The following ASPH variants were observed in gnomAD, a reference collection of about 807,000 sequenced individuals.
ASPH encodes the protein aspartate beta-hydroxylase.
Under a neutral mutation model 118.4 loss-of-function variants are expected in ASPH, and 100 were observed. That is an observed-to-expected ratio of 0.84 (90% confidence interval 0.72 to 1.00). ASPH has a LOEUF of 1.00. Among genes scored for constraint, ASPH ranks in the 50% least tolerant of loss-of-function variants. ASPH has a pLI of 0.00. For missense variants in ASPH, 920 were observed against 919.5 expected (o/e 1.00, Z -0.01); for synonymous variants, 315 against 325.6 (o/e 0.97, Z 0.35).
At chr8:61,589,578 C>T (rs879904205) in intron 14 of ASPH, among the ~76,000 whole-genome samples, 2 of 152,142 alleles carry the variant, frequency 1.3e-5, no homozygotes, top group Admixed American at 1.3e-4. Flanking sequence ...TCCAGACTGC[C>T]CTCTTCCTTA....
At chr8:61,679,647 T>C (rs1589109125) in intron 3 of ASPH, among the ~76,000 whole-genome samples, 1 of 152,048 alleles carries the variant, frequency 6.6e-6, no homozygotes, top group East Asian at 1.9e-4. Flanking sequence ...CACATTTTAT[T>C]TTATCTTTAA....
chr8:61,612,210 C>T (rs966988706), intron 14 of ASPH, among the ~76,000 whole-genome samples: 1 of 151,924 alleles, frequency 6.6e-6, no homozygotes, highest in South Asian at 2.1e-4. Context: ...AAAAAAGAAG[C>T]AGTTCGAGAT....
chr8:61,679,413 G>C (rs1179583760), intron 3 of ASPH, among the ~76,000 whole-genome samples: 2 of 151,968 alleles, frequency 1.3e-5, no homozygotes, highest in African/African-American at 4.8e-5. Flanking sequence ...AAACTTAAAG[G>C]GGATGACCTT....
intron 24 of ASPH, among the ~76,000 whole-genome samples, chr8:61,509,339 G>A (rs1807906097): frequency 6.6e-6 from 1 of 152,166 alleles, no homozygotes; most frequent in African/African-American, 2.4e-5. Context: ...CATTTCTATG[G>A]TTATTTCTTG....
At chr8:61,669,615 T>C (rs1421454155) in intron 3 of ASPH, among the ~76,000 whole-genome samples, 1 of 152,190 alleles carries the variant, frequency 6.6e-6, no homozygotes, top group African/African-American at 2.4e-5. Context: ...ATATCAAAAC[T>C]ATTCTCATAA....
At chr8:61,619,629 C>G (rs1173848395) in intron 13 of ASPH, among the ~76,000 whole-genome samples, 1 of 152,142 alleles carries the variant, frequency 6.6e-6, no homozygotes, top group Non-Finnish European at 1.5e-5. Flanking sequence ...ATAGAATTAC[C>G]TAGGACAGTG....
chr8:61,555,992 C>T lies in ASPH; in HGVS notation c.1468G>A (p.Ala490Thr). Residue 490 changes from alanine (A) to threonine (T), a missense_variant, in exon 19 of 25, where the codon GCT becomes ACT. By Grantham distance (58) the Ala-to-Thr change is moderately conservative (BLOSUM62 0). Coordinates refer to ENST00000379454, the MANE Select transcript of ASPH (RefSeq NM_004318.4). ...AGGATGAAGCCATAATGGACTTTAG[C>T]AAAGCCATCATTAGGTGTCACACTC... ...VLSVTPNDGF[A>T]KVHYGFILKA... The T allele has an allele frequency of 6.2e-7, 1 of 1,613,972 alleles. No individual in the cohort carries two copies. The highest frequency in any genetic ancestry group is 8.5e-7 in the Non-Finnish European group (1 of 1,179,946).
chr8:61,681,003 C>T lies in ASPH; in HGVS notation c.287G>A (p.Gly96Glu). The T allele has an allele frequency of 6.2e-7, 1 of 1,605,712 alleles. No individual in the cohort carries two copies. The highest frequency in any genetic ancestry group is 8.5e-7 in the Non-Finnish European group (1 of 1,175,524). ...KLGIYDADGDGDFDVDDAKVL... is the reference protein window; with the variant it reads ...KLGIYDADGDEDFDVDDAKVL... The stretch of plus-strand genomic sequence containing the variant: ...TTTGGCATCATCCACATCAAAATCT[C>T]CATCACCATCAGCATCATAGATTCC... Residue 96 changes from glycine (G) to glutamate (E), a missense_variant, in exon 3 of 25, where the codon GGA (glycine) becomes GAA (glutamate). Transcript: ENST00000379454.
At chr8:61,546,296 T>A (rs1279929663) in intron 21 of ASPH, among the ~76,000 whole-genome samples, 2 of 152,246 alleles carry the variant, frequency 1.3e-5, no homozygotes. Context: ...TTTCTTGTTG[T>A]TTAAGCCAGG....
chr8:61,562,017 A>T (rs922389046), intron 18 of ASPH, among the ~76,000 whole-genome samples: 8 of 152,178 alleles, frequency 5.3e-5, no homozygotes, highest in Non-Finnish European at 1.0e-4. Context: ...CCAGCTTGAA[A>T]ACCATTGATC....
At chr8:61,590,905 G>A (rs529544493) in intron 14 of ASPH, among the ~76,000 whole-genome samples, 1 of 151,986 alleles carries the variant, frequency 6.6e-6, no homozygotes, top group Admixed American at 6.5e-5. Flanking sequence ...CAAGTTTAAG[G>A]CATCTTTAGG....
Position 61,662,394 on chromosome 8 carries a change from A to G in ASPH, c.323-8734T>C, listed in dbSNP as rs116132435. Among the ~76,000 whole-genome samples the G allele has an allele frequency of 9.0e-3, 1,367 of 152,286 alleles. 18 individuals are homozygous for G. The highest frequency in any genetic ancestry group is 0.029 in the African/African-American group (1,225 of 41,578). The stretch of plus-strand genomic sequence containing the variant: ...TCCCGAAAACAGCTTCTGACTCCCA[A>G]CTACCTAGTATTGTGAATTTTTTGT... On this transcript the variant is annotated intron_variant, in intron 3 of 24. Transcript: ENST00000379454.
At chr8:61,671,284 G>A (rs1476454329) in intron 3 of ASPH, among the ~76,000 whole-genome samples, 4 of 152,094 alleles carry the variant, frequency 2.6e-5, no homozygotes, top group African/African-American at 7.2e-5. Context: ...AATGCCACAA[G>A]CATGCACTAC....
At chr8:61,623,341 T>C (rs1009306840) in intron 13 of ASPH, among the ~76,000 whole-genome samples, 25 of 152,248 alleles carry the variant, frequency 1.6e-4, no homozygotes, top group African/African-American at 6.0e-4. Context: ...TTGCCATTTT[T>C]ATGTCTTCTT....
At chr8:61,681,678 TACTTA>T (rs558717755) in intron 2 of ASPH, among the ~76,000 whole-genome samples, 239 of 151,984 alleles carry the variant, frequency 1.6e-3, no homozygotes, top group African/African-American at 5.5e-3. Flanking sequence ...ATGATTATTC[TACTTA>T]ACTTAATCAG....
At chr8:61,609,772 G>T (rs565788984) in intron 14 of ASPH, among the ~76,000 whole-genome samples, 4 of 152,270 alleles carry the variant, frequency 2.6e-5, no homozygotes, top group African/African-American at 9.6e-5. Context: ...GAAGAGGTCT[G>T]CAGGGCTCAG....
intron 14 of ASPH, among the ~76,000 whole-genome samples, chr8:61,599,151 AACTAAACAAAATAGGG>A (rs1336794247): frequency 6.6e-6 from 1 of 152,170 alleles, no homozygotes; most frequent in African/African-American, 2.4e-5. Flanking sequence ...ATCAGAGAAA[AACTAAACAAAATAGGG>A]ACTAAAAAAA....
At chr8:61,679,316 T>C (rs192377908) in intron 3 of ASPH, among the ~76,000 whole-genome samples, 53 of 152,258 alleles carry the variant, frequency 3.5e-4, no homozygotes, top group Admixed American at 1.5e-3. Flanking sequence ...TTCTTATAAA[T>C]GGCACAATTT....
At chr8:61,661,667 TACTTC>T (rs1816983940) in intron 3 of ASPH, 1 of 292,042 alleles carries the variant, frequency 3.4e-6, no homozygotes, top group Non-Finnish European at 6.3e-6. Context: ...GACACTTGTT[TACTTC>T]TTTTCTTTTT....
Sources: allele counts gnomAD v4.1 joint callset (sites outside exome capture counted in the v4.1 genomes callset), GRCh38; gene constraint gnomAD v4.1.1; transcripts MANE v1.5; gene names NCBI Gene and HGNC (gene_info 2026-07-23, HGNC 2026-07-21).